Variants in AFF2 observed in about 807,000 individuals in gnomAD.
AFF2 encodes ALF transcription elongation factor 2.
Under a neutral mutation model 76.9 loss-of-function variants are expected in AFF2, and 14 were observed. The observed-to-expected ratio is 0.18, with a 90% CI of 0.12 to 0.28. The LOEUF (loss-of-function observed/expected upper bound fraction) is 0.28, where lower values mean the gene tolerates loss of function less well. Ranked by LOEUF, AFF2 falls within the 10% of genes least tolerant of loss-of-function variation. The pLI is 1.00. For missense variants in AFF2, 868 were observed against 1,001.1 expected (o/e 0.87, Z 1.79); for synonymous variants, 398 against 366.7 (o/e 1.09, Z -0.98).
chrX:148,993,582 G>A lies in AFF2; in HGVS notation c.*2250G>A, dbSNP rs965009066. On this transcript the variant is annotated 3_prime_UTR_variant, in exon 21 of 21. Coordinates refer to ENST00000370460, the MANE Select transcript of AFF2 (RefSeq NM_002025.4). ...TCCAGAAACTAGACATTAGAATGTT[G>A]AGGCAGTTTCCCAGAGAAACAAGCA... 1 of 111,981 alleles carries A rather than the reference G, an allele frequency of 8.9e-6. No individual in the cohort carries two copies. The highest frequency in any genetic ancestry group is 3.3e-5 in the African/African-American group (1 of 30,767). The allele number at this position is 111,981 out of a possible 1,213,427, so 9.2% of individuals were successfully genotyped here. A position where few individuals can be genotyped will look rare whatever the true frequency, so the allele number is the denominator to read the frequency against.
rs782332484 is a variant in AFF2 at position 148,583,891 on chromosome X, C to T, written c.48-68108C>T. 2.0e-4 allele frequency among the ~76,000 whole-genome samples: 22 copies of T among 111,894 alleles called. 1 individual carries two copies. The highest frequency in any genetic ancestry group is 3.0e-4 in the Non-Finnish European group (16 of 53,147). On this transcript the variant is annotated intron_variant, in intron 1 of 20. Transcript: ENST00000370460. ...GACACTATGGAAAGAAGCCTACTAG[C>T]TAGTGTACAATATTTGCTTAGAGTT...
In AFF2 at chrX:148,999,579, A is replaced by T. The variant is rs1161956974; in HGVS notation, c.*8247A>T. The T allele has an allele frequency of 9.3e-6, 1 of 106,999 alleles. No individual in the cohort carries two copies. Among genetic ancestry groups the T allele is most frequent in the Non-Finnish European group, 1.9e-5 (1 of 51,740 alleles). 8.8% of individuals were successfully genotyped at this position (106,999 alleles called of 1,213,427 possible). ...AACTGCACAAAGAGTACACATCGTC[A>T]GTGTGTGTGTGTGTGTGTGTGTGCG... On this transcript the variant is annotated 3_prime_UTR_variant, in exon 21 of 21. Coordinates refer to ENST00000370460, the MANE Select transcript of AFF2 (RefSeq NM_002025.4).
At chrX:148,889,131 G>A (rs971907931) in intron 8 of AFF2, among the ~76,000 whole-genome samples, 1 of 111,682 alleles carries the variant, frequency 9.0e-6, no homozygotes, top group African/African-American at 3.3e-5. Context: ...AGCTTATAAT[G>A]TGGGCTTAGA....
At chrX:148,664,530 C>G (rs1478947311) in intron 3 of AFF2, among the ~76,000 whole-genome samples, 2 of 111,262 alleles carry the variant, frequency 1.8e-5, no homozygotes, top group Non-Finnish European at 3.8e-5. Flanking sequence ...AATTAAAAAC[C>G]CCTTTGTCTT....
chrX:148,924,493 A>T (rs1471134105), intron 9 of AFF2, among the ~76,000 whole-genome samples: 4 of 112,334 alleles, frequency 3.6e-5, no homozygotes, highest in African/African-American at 1.3e-4. Context: ...ATTATGAAAA[A>T]TGGAGATAAC....
chrX:148,734,409 T>C (rs782034187), intron 3 of AFF2, among the ~76,000 whole-genome samples: 131 of 111,900 alleles, frequency 1.2e-3, no homozygotes, highest in South Asian at 4.9e-3. Flanking sequence ...GCTAGTATTG[T>C]ATCCCTACTG....
chrX:148,839,496 T>C (rs188242013), intron 5 of AFF2, among the ~76,000 whole-genome samples: 76 of 111,848 alleles, frequency 6.8e-4, no homozygotes, highest in Admixed American at 2.7e-3. Context: ...AACATGGTAG[T>C]TAAGTAATGT....
intron 7 of AFF2, among the ~76,000 whole-genome samples, chrX:148,858,810 A>G (rs782779177): frequency 1.8e-5 from 2 of 110,222 alleles, no homozygotes; most frequent in Admixed American, 2.0e-4. Flanking sequence ...TTCTCATAGC[A>G]GAAGTGTTAT....
Position 148,662,010 on chromosome X carries a change from G to C in AFF2, c.283G>C (p.Val95Leu). The C allele has an allele frequency of 2.5e-6, 3 of 1,210,261 alleles. No homozygotes were observed. Among genetic ancestry groups the C allele is most frequent in the Non-Finnish European group, 3.4e-6 (3 of 894,132 alleles). The change falls in exon 3 of 21, where the codon GTG (valine) becomes CTG (leucine). Residue 95 changes from valine (V) to leucine (L), a missense_variant. Around this residue, in one of 6 missense-constraint regions of AFF2, gnomAD observed 196 missense variants for 194.8 expected, o/e 1.01. Coordinates refer to ENST00000370460, the MANE Select transcript of AFF2 (RefSeq NM_002025.4). The part of the protein sequence containing the change: ...LTNHSNQNHL[V>L]GIPKNSVPQN... ...TAACCATTCTAATCAGAATCACCTA[G>C]TGGGAATTCCAAAGAATTCTGTGCC... is the stretch of plus-strand genomic sequence containing the variant.
intron 1 of AFF2, among the ~76,000 whole-genome samples, chrX:148,646,911 T>C (rs887253825): frequency 1.8e-5 from 2 of 111,571 alleles, no homozygotes; most frequent in East Asian, 5.6e-4. Context: ...TTTGAGCTGC[T>C]TTTATAGTTT....
rs782514020 is a variant in AFF2 at position 148,604,172 on chromosome X, G to A, written c.48-47827G>A. ...ACTTTGCAATTGTTTCTTGGAAGAT[G>A]GGTTTACTCAACTGAAATGTATAAA... On this transcript the variant is annotated intron_variant, in intron 1 of 20. Coordinates refer to ENST00000370460, the MANE Select transcript of AFF2 (RefSeq NM_002025.4). 6.3e-5 allele frequency among the ~76,000 whole-genome samples: 7 copies of A among 111,520 alleles called. No homozygotes were observed. In the Admixed American group the frequency reaches 6.7e-4, roughly 11 times the overall value.
intron 3 of AFF2, among the ~76,000 whole-genome samples, chrX:148,697,384 A>G (rs1478586207): frequency 3.6e-5 from 4 of 112,490 alleles, no homozygotes; most frequent in Non-Finnish European, 7.5e-5. Flanking sequence ...CTTCTCCTCT[A>G]ACTGGAGAGT....
chrX:148,882,716 T>A (rs1377208872), intron 7 of AFF2, among the ~76,000 whole-genome samples: 6 of 111,958 alleles, frequency 5.4e-5, no homozygotes, highest in Non-Finnish European at 1.1e-4. Context: ...AATAATTAAA[T>A]CTAATATCTT....
chrX:148,727,538 C>T (rs1557264338), intron 3 of AFF2, among the ~76,000 whole-genome samples: 3 of 111,453 alleles, frequency 2.7e-5, no homozygotes, highest in Non-Finnish European at 5.7e-5. Flanking sequence ...CAGTGCTTTA[C>T]ACTTTGCAAA....
At chrX:148,613,989 A>G (rs1557249848) in intron 1 of AFF2, among the ~76,000 whole-genome samples, 4 of 112,237 alleles carry the variant, frequency 3.6e-5, no homozygotes, top group African/African-American at 9.7e-5. Flanking sequence ...TAACAACTGT[A>G]TATCCAGTTT....
intron 3 of AFF2, among the ~76,000 whole-genome samples, chrX:148,665,386 G>GA (rs1429080343): frequency 8.9e-6 from 1 of 111,824 alleles, no homozygotes; most frequent in East Asian, 2.8e-4. Context: ...AGCTCTGTAT[G>GA]AAAAATGGGC....
At chrX:148,874,927 T>A (rs782488270) in intron 7 of AFF2, among the ~76,000 whole-genome samples, 1 of 112,122 alleles carries the variant, frequency 8.9e-6, no homozygotes, top group African/African-American at 3.2e-5. Context: ...GCTTTCCACA[T>A]CAATGTAATT....
chrX:148,856,966 T>C (rs986687128), intron 7 of AFF2, among the ~76,000 whole-genome samples: 18 of 112,480 alleles, frequency 1.6e-4, no homozygotes, highest in African/African-American at 5.2e-4. Context: ...TATCTACTTC[T>C]GTTTCCTTGG....
intron 1 of AFF2, among the ~76,000 whole-genome samples, chrX:148,546,310 G>A (rs1435664178): frequency 6.3e-5 from 7 of 111,526 alleles, no homozygotes; most frequent in South Asian, 3.8e-4. Context: ...TGACACCTGC[G>A]CAGGTAGAGG....
Sources: gnomAD v4.1 joint callset for allele counts (sites outside exome capture counted in the v4.1 genomes callset) on GRCh38, gnomAD v4.1.1 for gene constraint, gnomAD v4.1.1 regional missense constraint, MANE v1.5 for transcripts, NCBI Gene and HGNC (gene_info 2026-07-23, HGNC 2026-07-21) for gene names.